SORBS2: variants seen among roughly 807,000 people sequenced by gnomAD.
SORBS2 encodes the protein sorbin and SH3 domain containing 2.
SORBS2 carries 46 observed loss-of-function variants against 97.7 expected under a neutral mutation model. That is an observed-to-expected ratio of 0.47 (90% CI 0.37 to 0.60). SORBS2 has a LOEUF of 0.60. SORBS2 is among the 20% of genes least tolerant of loss of function. The pLI is 0.00. For missense variants in SORBS2, 1,316 were observed against 1,282.3 expected (o/e 1.03, Z -0.40); for synonymous variants, 476 against 473.4 (o/e 1.01, Z -0.07).
chr4:185,595,397 A>AAAT (rs1456818431), intron 12 of SORBS2, among the ~76,000 whole-genome samples: 1 of 152,176 alleles, frequency 6.6e-6, no homozygotes, highest in African/African-American at 2.4e-5. Context: ...ATTTTAAGAA[A>AAAT]AATTATGACT....
At chr4:185,837,722 T>C (rs1579132133) in intron 1 of SORBS2, among the ~76,000 whole-genome samples, 1 of 152,120 alleles carries the variant, frequency 6.6e-6, no homozygotes, top group Non-Finnish European at 1.5e-5. Flanking sequence ...GCCTATAATC[T>C]CTATGTAGTT....
In SORBS2 at chr4:185,623,820, G is replaced by C. The variant is rs1319045135; in HGVS notation, c.1309C>G (p.Pro437Ala). Residue 437 changes from proline (P) to alanine (A), a missense_variant, in exon 7 of 15, where the codon CCC (proline) becomes GCC (alanine). By Grantham distance (27) the Pro-to-Ala change is conservative (BLOSUM62 -1). Transcript: ENST00000418609. The surrounding 1 kb of genome is among the most constrained non-coding windows in gnomAD (Gnocchi z 6.4). The stretch of plus-strand genomic sequence containing the variant: ...TTTTGCGGTGGTTCTAGGGTTACGG[G>C]AGACAGCATGTCATCCCCTAAATTT... The C allele has an allele frequency of 1.9e-6, 3 of 1,614,042 alleles. No homozygotes were observed. The highest frequency in any genetic ancestry group is 2.2e-5 in the East Asian group (1 of 44,878).
chr4:185,853,706 A>G (rs1267482552), intron 1 of SORBS2, among the ~76,000 whole-genome samples: 3 of 152,254 alleles, frequency 2.0e-5, no homozygotes, highest in South Asian at 4.1e-4. Context: ...GAAATGCATA[A>G]AATATTATGC....
At chr4:185,795,186 G>A (rs960873693) in intron 1 of SORBS2, among the ~76,000 whole-genome samples, 5 of 152,038 alleles carry the variant, frequency 3.3e-5, no homozygotes, top group Admixed American at 1.3e-4. Flanking sequence ...TTCATCTTGC[G>A]CTGGGCCCTG....
intron 2 of SORBS2, among the ~76,000 whole-genome samples, chr4:185,650,981 G>A (rs755893700): frequency 6.6e-6 from 1 of 152,098 alleles, no homozygotes. Flanking sequence ...AGGATCATGC[G>A]ACCCCAGGCT....
chr4:185,643,419 T>C (rs2097159849), intron 4 of SORBS2, among the ~76,000 whole-genome samples: 1 of 152,138 alleles, frequency 6.6e-6, no homozygotes, highest in South Asian at 2.1e-4. Context: ...AGGTCTTCTA[T>C]AAATTATGCT....
At chr4:185,905,828 A>C (rs2099250461) in intron 1 of SORBS2, among the ~76,000 whole-genome samples, 1 of 152,210 alleles carries the variant, frequency 6.6e-6, no homozygotes. Flanking sequence ...TTCCAAGTCA[A>C]AGGGAACAAC....
chr4:185,751,148 AGG>A (rs2098796284), intron 2 of SORBS2, among the ~76,000 whole-genome samples: 1 of 141,732 alleles, frequency 7.1e-6, no homozygotes, highest in Non-Finnish European at 1.5e-5. Flanking sequence ...TAAATGGTAA[AGG>A]AATGCTCTTA....
chr4:185,758,451 G>T (rs2098844198), intron 2 of SORBS2, among the ~76,000 whole-genome samples: 1 of 152,000 alleles, frequency 6.6e-6, no homozygotes, highest in African/African-American at 2.4e-5. Context: ...TCCTCCTCCT[G>T]GCCTCTCAAT....
chr4:185,594,068 C>T, intron 12 of SORBS2, 133 bp from the exon 25 acceptor site: 1 of 638,034 alleles, frequency 1.6e-6, no homozygotes, highest in South Asian at 2.0e-5. Flanking sequence ...AAGAAAAAAA[C>T]CAAATAAAAG....
At chr4:185,899,861 AG>A (rs2099246780) in intron 1 of SORBS2, among the ~76,000 whole-genome samples, 1 of 152,314 alleles carries the variant, frequency 6.6e-6, no homozygotes, top group African/African-American at 2.4e-5. Context: ...ACTTATTAGA[AG>A]GGGGTAAAGT....
At chr4:185,706,468 G>A (rs1161060493) in intron 2 of SORBS2, among the ~76,000 whole-genome samples, 1 of 152,154 alleles carries the variant, frequency 6.6e-6, no homozygotes, top group Non-Finnish European at 1.5e-5. Flanking sequence ...TGTGTCTCAA[G>A]TATACACAAA....
intron 1 of SORBS2, among the ~76,000 whole-genome samples, chr4:185,794,614 C>T (rs2099096641): frequency 6.6e-6 from 1 of 152,024 alleles, no homozygotes; most frequent in African/African-American, 2.4e-5. Context: ...TCTGAGGAAG[C>T]CCAATCTAAA....
chr4:185,901,369 A>AT (rs2099247678), intron 1 of SORBS2, among the ~76,000 whole-genome samples: 1 of 152,148 alleles, frequency 6.6e-6, no homozygotes, highest in Non-Finnish European at 1.5e-5. Context: ...CGGTCGGCTA[A>AT]TTTTTTGTAT....
intron 4 of SORBS2, among the ~76,000 whole-genome samples, chr4:185,669,554 G>A (rs182617580): frequency 6.6e-6 from 1 of 152,256 alleles, no homozygotes; most frequent in African/African-American, 2.4e-5. Context: ...GGAGTGCATG[G>A]CCAGGCCTCA....
chr4:185,644,009 T>G (rs1341249530), intron 4 of SORBS2, among the ~76,000 whole-genome samples: 1 of 152,168 alleles, frequency 6.6e-6, no homozygotes, highest in Non-Finnish European at 1.5e-5. Context: ...TGGCTCTTTT[T>G]GTTTTCTAAT....
At chr4:185,810,110 A>G (rs1207460171) in intron 1 of SORBS2, among the ~76,000 whole-genome samples, 1 of 152,264 alleles carries the variant, frequency 6.6e-6, no homozygotes, top group African/African-American at 2.4e-5. Context: ...AAACATAATG[A>G]AGTACAAGGC....
At chr4:185,778,239 A>G (rs868630914) in intron 1 of SORBS2, among the ~76,000 whole-genome samples, 6 of 152,230 alleles carry the variant, frequency 3.9e-5, no homozygotes, top group South Asian at 2.1e-4. Flanking sequence ...GTGAGCATCA[A>G]TGACCCAGAA....
chr4:185,893,440 T>C (rs1446955989), intron 1 of SORBS2, among the ~76,000 whole-genome samples: 1 of 152,200 alleles, frequency 6.6e-6, no homozygotes, highest in Non-Finnish European at 1.5e-5. Flanking sequence ...TTCATTATTC[T>C]CCAAGATACT....
Sources: allele counts gnomAD v4.1 joint callset (sites outside exome capture counted in the v4.1 genomes callset), GRCh38; gene constraint gnomAD v4.1.1; non-coding constraint Gnocchi (gnomAD v3.1); transcripts MANE v1.5; gene names NCBI Gene and HGNC (gene_info 2026-07-23, HGNC 2026-07-21).